ZBTB46: variants seen among roughly 807,000 people sequenced by gnomAD.
ZBTB46 encodes the protein zinc finger and BTB domain containing 46, also known as zinc finger and BTB domain-containing protein 46.
A neutral mutation model predicts 44.1 loss-of-function variants in ZBTB46; 8 were observed. That is an observed-to-expected ratio of 0.18 (90% CI 0.11 to 0.33). The LOEUF is 0.33. ZBTB46 is among the 10% of genes least tolerant of loss of function. The pLI is 1.00. For missense variants in ZBTB46, 651 were observed against 847.7 expected, an observed-to-expected ratio of 0.77 and a Z score of 2.88; for synonymous variants, 409 against 382.3, an observed-to-expected ratio of 1.07 and a Z score of -0.81.
At chr20:63,771,377 C>A (rs931534430) in intron 3 of ZBTB46, among the ~76,000 whole-genome samples, 2 of 152,190 alleles carry the variant, frequency 1.3e-5, no homozygotes, top group African/African-American at 4.8e-5. Flanking sequence ...CGTCCATGAC[C>A]CTCCAGAAGG....
chr20:63,748,930 C>G (rs2092131899), intron 4 of ZBTB46, among the ~76,000 whole-genome samples: 1 of 152,246 alleles, frequency 6.6e-6, no homozygotes, highest in Non-Finnish European at 1.5e-5. Context: ...CGGGCAGGCA[C>G]CACAGCTACC....
At chr20:63,784,868 G>A (rs995210436) in intron 2 of ZBTB46, among the ~76,000 whole-genome samples, 14 of 152,222 alleles carry the variant, frequency 9.2e-5, no homozygotes, top group Admixed American at 7.9e-4. Flanking sequence ...CAGGGGCCGG[G>A]ATGATGCACA....
At chr20:63,772,801 G>A (rs1362005781) in intron 3 of ZBTB46, among the ~76,000 whole-genome samples, 3 of 151,398 alleles carry the variant, frequency 2.0e-5, no homozygotes, top group Non-Finnish European at 2.9e-5. Context: ...CCACCTTCAG[G>A]ATTTAGGACA....
intron 3 of ZBTB46, among the ~76,000 whole-genome samples, chr20:63,755,361 TC>T (rs758423775): frequency 1.3e-5 from 2 of 152,022 alleles, no homozygotes; most frequent in Non-Finnish European, 2.9e-5. Context: ...CCGGGGAGGG[TC>T]CCTCCGGCCT....
At chr20:63,748,194 AGAG>A (rs1290175038) in intron 4 of ZBTB46, among the ~76,000 whole-genome samples, 2 of 152,216 alleles carry the variant, frequency 1.3e-5, no homozygotes, top group African/African-American at 4.8e-5. Flanking sequence ...ACTTATGGTC[AGAG>A]GAGGAGGTGT....
intron 1 of ZBTB46, among the ~76,000 whole-genome samples, chr20:63,807,718 T>C (rs2092690277): frequency 6.6e-6 from 1 of 152,258 alleles, no homozygotes; most frequent in Non-Finnish European, 1.5e-5. Flanking sequence ...CCTAACCAGT[T>C]ACTTTTTGCT....
chr20:63,769,972 C>G (rs1167778510), intron 3 of ZBTB46, among the ~76,000 whole-genome samples: 1 of 152,218 alleles, frequency 6.6e-6, no homozygotes, highest in Non-Finnish European at 1.5e-5. Flanking sequence ...CAGAAGCCGT[C>G]CCCGCAGGAA....
chr20:63,756,390 C>T (rs559942138), intron 3 of ZBTB46, among the ~76,000 whole-genome samples: 23 of 152,320 alleles, frequency 1.5e-4, no homozygotes, highest in Admixed American at 5.9e-4. Context: ...CATCACAAAA[C>T]CATCTGGATA....
intron 1 of ZBTB46, among the ~76,000 whole-genome samples, chr20:63,801,180 C>A (rs6010658): frequency 0.18 from 27,296 of 151,748 alleles, 2,975 homozygotes; most frequent in East Asian, 0.45. Flanking sequence ...ACTTAGAGAA[C>A]CTTTATGTCT....
chr20:63,782,998 C>T (rs189005099), intron 2 of ZBTB46, among the ~76,000 whole-genome samples: 6 of 152,236 alleles, frequency 3.9e-5, no homozygotes, highest in South Asian at 2.1e-4. Flanking sequence ...GGCGTGGTGG[C>T]GCACGCCCAT....
In ZBTB46 at chr20:63,790,188, G is replaced by T. The variant is rs375452207; in HGVS notation, c.570C>A (p.His190Gln). ...CTTTCCCGTAGCTGCTCCCTCCGTC[G>T]TGACAGCTGGCGATGGCCGAGTCTC... ...SSGDSAIASC[H>Q]DGGSSYGKED... Residue 190 changes from histidine (H) to glutamine (Q), a missense_variant, in exon 2 of 5, where the codon CAC (histidine) becomes CAA (glutamine). Physicochemically the swap from His to Gln is conservative, Grantham distance 24. Transcript: ENST00000245663. The T allele has an allele frequency of 1.2e-6, 2 of 1,613,466 alleles. No individual in the cohort carries two copies. Among genetic ancestry groups the T allele is most frequent in the Admixed American group, 1.7e-5 (1 of 60,002 alleles).
At chr20:63,821,940 T>G (rs2092794527) in intron 1 of ZBTB46, among the ~76,000 whole-genome samples, 2 of 152,192 alleles carry the variant, frequency 1.3e-5, no homozygotes, top group Admixed American at 6.6e-5. Context: ...CTAACAATTC[T>G]CAGAGCACAA....
chr20:63,820,829 A>G (rs1270160606), intron 1 of ZBTB46, among the ~76,000 whole-genome samples: 4 of 151,926 alleles, frequency 2.6e-5, no homozygotes, highest in Non-Finnish European at 4.4e-5. Context: ...CCCAGGTTCA[A>G]GCGATTCTCC....
Position 63,806,889 on chromosome 20 carries a change from T to C in ZBTB46, c.-33-16099A>G, listed in dbSNP as rs182423230. On this transcript the variant is annotated intron_variant, in intron 1 of 4. Transcript: ENST00000245663. ...GCTCCGCCTCCCAGGTTCACGCCATTCTCCTGCCTCAGCCTCCTGAGTAGC... is the reference window on the plus strand; with the variant it reads ...GCTCCGCCTCCCAGGTTCACGCCATCCTCCTGCCTCAGCCTCCTGAGTAGC... Among the ~76,000 whole-genome samples, 744 of 152,152 alleles carry C rather than the reference T, an allele frequency of 4.9e-3. 5 individuals are homozygous for C. The highest frequency in any genetic ancestry group is 8.7e-3 in the Non-Finnish European group (592 of 67,982).
chr20:63,825,349 C>G (rs544279250), intron 1 of ZBTB46, among the ~76,000 whole-genome samples: 1 of 147,112 alleles, frequency 6.8e-6, no homozygotes, highest in Admixed American at 7.0e-5. Flanking sequence ...TGTAATGAGC[C>G]GAGATCTCGT....
At position 63,779,139 on chromosome 20, in the gene ZBTB46, C is replaced by T. The variant is rs553769263; in HGVS notation, c.938-3177G>A. On this transcript the variant is annotated intron_variant, in intron 2 of 4. Coordinates refer to ENST00000245663, the MANE Select transcript of ZBTB46 (RefSeq NM_001369741.1). ...AAGGCCCTCCCCAGACGCAGCCACACGGGGGCTGGGGTTTCAACACATGAG... is the reference window on the plus strand; with the variant it reads ...AAGGCCCTCCCCAGACGCAGCCACATGGGGGCTGGGGTTTCAACACATGAG... 5.6e-4 allele frequency among the ~76,000 whole-genome samples: 85 copies of T among 152,250 alleles called. 2 individuals are homozygous for T. The South Asian group carries it at 0.016, about 28-fold the overall frequency.
At chr20:63,815,458 G>C (rs1203098281) in intron 1 of ZBTB46, among the ~76,000 whole-genome samples, 1 of 149,120 alleles carries the variant, frequency 6.7e-6, no homozygotes, top group African/African-American at 2.5e-5. Context: ...CACAGGTGCA[G>C]TGGGTACAGG....
intron 2 of ZBTB46, among the ~76,000 whole-genome samples, chr20:63,780,450 G>C (rs906421921): frequency 1.1e-4 from 16 of 152,028 alleles, no homozygotes; most frequent in South Asian, 2.1e-4. Context: ...AAACCAACTT[G>C]AATCATGGAG....
In ZBTB46 at chr20:63,746,749, C is replaced by T; in HGVS notation, c.*181G>A. ...TCATGTCTGGTCCCAGAGCACCCCT[C>T]TTGCTGGGGTCGCACCTGCTTAGCC... On this transcript the variant is annotated 3_prime_UTR_variant, in exon 5 of 5. Transcript: ENST00000245663. 1 of 984,366 alleles carries T rather than the reference C, an allele frequency of 1.0e-6. No individual in the cohort carries two copies. Among genetic ancestry groups the T allele is most frequent in the Non-Finnish European group, 1.4e-6 (1 of 711,884 alleles). 61.0% of individuals were successfully genotyped at this position (984,366 alleles called of 1,614,324 possible). A position where few individuals can be genotyped will look rare whatever the true frequency, so the allele number is the denominator to read the frequency against.
Sources: gnomAD v4.1 joint callset for allele counts (sites outside exome capture counted in the v4.1 genomes callset) on GRCh38, gnomAD v4.1.1 for gene constraint, MANE v1.5 for transcripts, NCBI Gene and HGNC (gene_info 2026-07-23, HGNC 2026-07-21) for gene names.